The following PHACTR1 variants were observed in gnomAD, a reference collection of about 807,000 sequenced individuals.
PHACTR1 encodes the protein phosphatase and actin regulator 1.
In PHACTR1, 16 loss-of-function variants were observed where a neutral mutation model predicts 69.2. The ratio of observed to expected loss-of-function variants is 0.23; its 90% CI spans 0.16 to 0.35. The LOEUF (loss-of-function observed/expected upper bound fraction) is 0.35, where lower values mean the gene tolerates loss of function less well. Among genes scored for constraint, PHACTR1 ranks in the 10% least tolerant of loss-of-function variants. PHACTR1 has a pLI of 1.00. For missense variants in PHACTR1, 510 were observed against 734.7 expected, an observed-to-expected ratio of 0.69 and a Z score of 3.54; for synonymous variants, 312 against 284.5, an observed-to-expected ratio of 1.10 and a Z score of -0.97.
At chr6:12,767,168 G>A (rs771159442) in intron 4 of PHACTR1, among the ~76,000 whole-genome samples, 27 of 152,152 alleles carry the variant, frequency 1.8e-4, no homozygotes, top group Admixed American at 3.3e-4. Context: ...TAATGCCACT[G>A]TAATACATTA....
chr6:13,157,198 C>G (rs1465336292), intron 5 of PHACTR1, among the ~76,000 whole-genome samples: 2 of 152,172 alleles, frequency 1.3e-5, no homozygotes, highest in Non-Finnish European at 2.9e-5. Context: ...GCAGGCTGCT[C>G]TATCTGGAGC....
chr6:12,820,882 G>A (rs1776132248), intron 4 of PHACTR1, among the ~76,000 whole-genome samples: 1 of 151,980 alleles, frequency 6.6e-6, no homozygotes, highest in Admixed American at 6.5e-5. Flanking sequence ...CACCAAAACC[G>A]AGCCCTCCAG....
At chr6:13,081,383 A>G (rs578168027) in intron 5 of PHACTR1, among the ~76,000 whole-genome samples, 7 of 152,228 alleles carry the variant, frequency 4.6e-5, no homozygotes, top group Non-Finnish European at 7.3e-5. Context: ...TTATGTTTTC[A>G]GTTGCATATA....
chr6:12,819,111 C>T (rs1000223118), intron 4 of PHACTR1, among the ~76,000 whole-genome samples: 5 of 152,350 alleles, frequency 3.3e-5, no homozygotes, highest in African/African-American at 4.8e-5. Context: ...GCCAAAACCT[C>T]GGCATCTTCC....
At chr6:12,904,393 G>T (rs1264796859) in intron 4 of PHACTR1, among the ~76,000 whole-genome samples, 1 of 151,986 alleles carries the variant, frequency 6.6e-6, no homozygotes, top group East Asian at 1.9e-4. Context: ...AAATAGCCAG[G>T]CGTGGTGGCA....
intron 4 of PHACTR1, among the ~76,000 whole-genome samples, chr6:12,866,195 T>A (rs1781438504): frequency 6.6e-6 from 1 of 152,210 alleles, no homozygotes; most frequent in Non-Finnish European, 1.5e-5. Context: ...CCTAAGTAAT[T>A]CAAGCTGATG....
At chr6:12,981,243 C>A (rs1795491748) in intron 4 of PHACTR1, among the ~76,000 whole-genome samples, 1 of 152,090 alleles carries the variant, frequency 6.6e-6, no homozygotes, top group Non-Finnish European at 1.5e-5. Context: ...GTATAAAATA[C>A]TGGTGAAAAA....
chr6:12,723,358 C>T (rs1762366114), intron 3 of PHACTR1, among the ~76,000 whole-genome samples: 1 of 152,084 alleles, frequency 6.6e-6, no homozygotes, highest in African/African-American at 2.4e-5. Flanking sequence ...TCAGGCCCCA[C>T]CCTAGACCTA....
intron 4 of PHACTR1, among the ~76,000 whole-genome samples, chr6:12,929,606 T>A (rs1252389532): frequency 1.3e-5 from 2 of 152,158 alleles, no homozygotes; most frequent in African/African-American, 4.8e-5. Context: ...AACAGACAAA[T>A]GCAAAGAACA....
chr6:12,872,075 C>T (rs1782086899), intron 4 of PHACTR1, among the ~76,000 whole-genome samples: 1 of 151,938 alleles, frequency 6.6e-6, no homozygotes, highest in Admixed American at 6.6e-5. Flanking sequence ...GAATCTCACT[C>T]TGTTGCCCAT....
At chr6:12,769,890 T>C (rs1769161229) in intron 4 of PHACTR1, among the ~76,000 whole-genome samples, 1 of 152,228 alleles carries the variant, frequency 6.6e-6, no homozygotes, top group South Asian at 2.1e-4. Context: ...GCTGAAGCAA[T>C]TTGTCCCACG....
intron 4 of PHACTR1, among the ~76,000 whole-genome samples, chr6:12,821,492 A>ATT (rs1776213217): frequency 6.9e-6 from 1 of 145,478 alleles, no homozygotes; most frequent in Non-Finnish European, 1.5e-5. Flanking sequence ...AAAGAGAGAG[A>ATT]GAGAGAGAGA....
At chr6:12,755,790 T>C (rs1402929133) in intron 4 of PHACTR1, among the ~76,000 whole-genome samples, 2 of 152,182 alleles carry the variant, frequency 1.3e-5, no homozygotes, top group East Asian at 1.9e-4. Context: ...TCCTTTATAA[T>C]TAAAATTAAA....
intron 4 of PHACTR1, among the ~76,000 whole-genome samples, chr6:13,013,831 G>C (rs568313100): frequency 2.0e-5 from 3 of 148,176 alleles, no homozygotes; most frequent in Non-Finnish European, 4.5e-5. Context: ...CGAGGGGCGC[G>C]AGTGGCAGCG....
intron 3 of PHACTR1, among the ~76,000 whole-genome samples, chr6:12,723,813 C>T (rs1219072787): frequency 6.6e-6 from 1 of 152,120 alleles, no homozygotes; most frequent in African/African-American, 2.4e-5. Flanking sequence ...CCACTATGGA[C>T]CAATTAAATC....
intron 3 of PHACTR1, among the ~76,000 whole-genome samples, chr6:12,736,352 T>C (rs1764254142): frequency 6.6e-6 from 1 of 152,190 alleles, no homozygotes; most frequent in South Asian, 2.1e-4. Context: ...TAAGAGTTCT[T>C]ATATTTCTAA....
chr6:12,824,409 C>T (rs930182984), intron 4 of PHACTR1, among the ~76,000 whole-genome samples: 1 of 152,154 alleles, frequency 6.6e-6, no homozygotes, highest in Non-Finnish European at 1.5e-5. Flanking sequence ...AAATCATCCC[C>T]CTACCCTGGT....
chr6:13,034,262 C>G (rs1802940817), intron 4 of PHACTR1, among the ~76,000 whole-genome samples: 1 of 152,124 alleles, frequency 6.6e-6, no homozygotes, highest in African/African-American at 2.4e-5. Context: ...CGTGATCCGC[C>G]CGCCTCGGCC....
intron 4 of PHACTR1, among the ~76,000 whole-genome samples, chr6:12,885,639 C>T (rs1374438011): frequency 6.6e-6 from 1 of 152,206 alleles, no homozygotes; most frequent in Non-Finnish European, 1.5e-5. Context: ...TGAAAGTATC[C>T]TCACAATGAC....
Sources: allele counts gnomAD v4.1 joint callset (sites outside exome capture counted in the v4.1 genomes callset), GRCh38; gene constraint gnomAD v4.1.1; transcripts MANE v1.5; gene names NCBI Gene and HGNC (gene_info 2026-07-23, HGNC 2026-07-21).